The following GCM1 variants were observed in gnomAD, a reference collection of about 807,000 sequenced individuals.
GCM1 encodes the protein GCM transcription factor 1, also known as chorion-specific transcription factor GCMa.
Under a neutral mutation model 25.7 loss-of-function variants are expected in GCM1, and 2 were observed. That is an observed-to-expected ratio of 0.08 (90% CI 0.03 to 0.24). The LOEUF is 0.24. GCM1 is among the 10% of genes least tolerant of loss of function. The probability of loss-of-function intolerance (pLI) is 1.00; values close to 1 mark genes in which losing one functional copy is unlikely to be tolerated. For missense variants in GCM1, 395 were observed against 538.7 expected (o/e 0.73, Z 2.64); for synonymous variants, 183 against 195.7 (o/e 0.94, Z 0.54).
chr6:53,133,663 T>TAC (rs1399894059), intron 3 of GCM1, among the ~76,000 whole-genome samples: 1 of 152,124 alleles, frequency 6.6e-6, no homozygotes, highest in African/African-American at 2.4e-5. Flanking sequence ...GACTAATTTT[T>TAC]AAATTTTTTT....
intron 3 of GCM1, among the ~76,000 whole-genome samples, chr6:53,133,331 ATGTGTGTGTG>A (rs5876306): frequency 6.9e-6 from 1 of 145,118 alleles, no homozygotes; most frequent in African/African-American, 2.6e-5. Context: ...CACCCGGCAA[ATGTGTGTGTG>A]TGTGTGTGTG....
chr6:53,128,551 G>C lies in GCM1; in HGVS notation c.966C>G (p.Ser322Arg), dbSNP rs781353031. The part of the protein sequence containing the change: ...CYSNYPFPLT[S>R]WPCSFSPSQN... ...GGGAAGGAGAGAAGCTGCAAGGCCA[G>C]CTGGTCAGAGGAAAAGGATAATTGG... is the stretch of plus-strand genomic sequence containing the variant. The change falls in exon 6 of 6, where the codon AGC becomes AGG. Residue 322 changes from serine (S) to arginine (R), a missense_variant. This residue lies in a region of GCM1 where 291 missense variants were observed against 314.6 expected (regional missense o/e 0.92). Transcript: ENST00000259803. 7 of 1,614,102 alleles carry C rather than the reference G, an allele frequency of 4.3e-6. No homozygotes were observed. Among genetic ancestry groups the C allele is most frequent in the Non-Finnish European group, 5.9e-6 (7 of 1,179,964 alleles).
At chr6:53,143,148 C>T (rs1733766619) in intron 2 of GCM1, among the ~76,000 whole-genome samples, 2 of 152,218 alleles carry the variant, frequency 1.3e-5, no homozygotes, top group South Asian at 4.1e-4. Context: ...AATCATTTCC[C>T]CGACATATTT....
In GCM1 at chr6:53,128,224, G is replaced by C; in HGVS notation, c.1293C>G (p.Asn431Lys). ...LDHCNNDMLL[N>K]LCPLR ...ATTTGGGTCATCTCAAAGGACACAG[G>C]TTCAGAAGCATATCATTGTTGCAGT... The change falls in exon 6 of 6, where the codon AAC becomes AAG. Residue 431 changes from asparagine (N) to lysine (K), a missense_variant. Coordinates refer to ENST00000259803, the MANE Select transcript of GCM1 (RefSeq NM_003643.4). 6.2e-7 allele frequency: 1 copy of C among 1,607,986 alleles called. No homozygotes were observed. The highest frequency in any genetic ancestry group is 8.5e-7 in the Non-Finnish European group (1 of 1,179,784).
At chr6:53,138,279 A>C (rs934756102) in intron 2 of GCM1, among the ~76,000 whole-genome samples, 2 of 46,338 alleles carry the variant, frequency 4.3e-5, no homozygotes, top group Non-Finnish European at 1.2e-4. Context: ...GCTTTGTCTC[A>C]AAAAAAAAAA....
intron 1 of GCM1, 22 bp from the exon 2 acceptor site, chr6:53,145,790 G>T: frequency 1.8e-6 from 1 of 551,876 alleles, no homozygotes; most frequent in Non-Finnish European, 3.2e-6. Flanking sequence ...AGTTATATTA[G>T]TATTGGCCAT....
At chr6:53,137,238 T>C (rs933673783) in intron 2 of GCM1, among the ~76,000 whole-genome samples, 9 of 152,170 alleles carry the variant, frequency 5.9e-5, no homozygotes, top group Admixed American at 5.9e-4. Context: ...GACCATTTGC[T>C]TTTTCCAGAC....
intron 4 of GCM1, 45 bp downstream of exon 4, chr6:53,131,962 C>A (rs139652828): frequency 9.4e-7 from 1 of 1,068,280 alleles, no homozygotes; most frequent in South Asian, 1.2e-5. Context: ...TCTGGTGAAA[C>A]TCCTCAGTAA....
At chr6:53,134,374 C>G (rs142160057) in intron 2 of GCM1, 50 bp from the exon 3 acceptor site, 2 of 1,557,200 alleles carry the variant, frequency 1.3e-6, no homozygotes, top group African/African-American at 2.7e-5. Flanking sequence ...GAAAACACAG[C>G]TGTCACCCAC....
intron 2 of GCM1, among the ~76,000 whole-genome samples, chr6:53,140,479 G>A (rs1241325869): frequency 7.0e-6 from 1 of 143,776 alleles, no homozygotes; most frequent in East Asian, 2.1e-4. Flanking sequence ...CAGAACTGTG[G>A]CCCCTTTGCA....
intron 2 of GCM1, among the ~76,000 whole-genome samples, chr6:53,141,011 T>C (rs1032864980): frequency 6.6e-6 from 1 of 152,064 alleles, no homozygotes; most frequent in Admixed American, 6.6e-5. Context: ...TTGATCTAAT[T>C]TTTTTTTCCT....
At chr6:53,147,425 GTTTTT>G (rs70980807) in intron 1 of GCM1, among the ~76,000 whole-genome samples, 5 of 93,572 alleles carry the variant, frequency 5.3e-5, no homozygotes, top group Non-Finnish European at 6.3e-5. Flanking sequence ...AGTTTTTATT[GTTTTT>G]TTTTTTTTTT....
At chr6:53,134,020 G>A (rs1288077098) in intron 3 of GCM1, 52 bp downstream of exon 3, 3 of 1,551,846 alleles carry the variant, frequency 1.9e-6, no homozygotes, top group Non-Finnish European at 2.6e-6. Flanking sequence ...CATCTGGCAG[G>A]GGCATCTGAG....
chr6:53,137,432 C>T (rs1763816438), intron 2 of GCM1, among the ~76,000 whole-genome samples: 1 of 152,094 alleles, frequency 6.6e-6, no homozygotes. Flanking sequence ...CACAGAAATG[C>T]CATAGAAAGC....
chr6:53,144,876 C>T (rs970713742), intron 2 of GCM1, among the ~76,000 whole-genome samples: 5 of 133,380 alleles, frequency 3.7e-5, no homozygotes, highest in African/African-American at 1.5e-4. Flanking sequence ...GATAGCACTA[C>T]TGCACTCCAA....
rs150954444 is a variant in GCM1 at position 53,132,166 on chromosome 6, G to A, written c.329-47C>T. The A allele has an allele frequency of 8.9e-4, 1,035 of 1,159,300 alleles. 5 individuals are homozygous for A. In the African/African-American group the frequency reaches 0.014, roughly 16 times the overall value. 71.8% of individuals were successfully genotyped at this position (1,159,300 alleles called of 1,614,324 possible). ...TGACCACACCTGGCTGAACCATGTC[G>A]GTTGTTGACTCCTGTGCAGTCTTGA... On this transcript the variant is annotated intron_variant, in intron 3 of 5. Transcript: ENST00000259803.
intron 2 of GCM1, among the ~76,000 whole-genome samples, chr6:53,141,522 C>T (rs1763872678): frequency 6.6e-6 from 1 of 151,830 alleles, no homozygotes; most frequent in African/African-American, 2.4e-5. Flanking sequence ...CCTGTCTCTA[C>T]TAAAAATACA....
intron 2 of GCM1, among the ~76,000 whole-genome samples, chr6:53,140,543 A>AAAAG (rs1375313441): frequency 1.3e-5 from 2 of 151,816 alleles, no homozygotes; most frequent in African/African-American, 4.8e-5. Flanking sequence ...AAAAAAAAAA[A>AAAAG]AAAAGTACTT....
intron 2 of GCM1, among the ~76,000 whole-genome samples, chr6:53,141,597 G>A (rs1293194946): frequency 6.6e-6 from 1 of 152,124 alleles, no homozygotes; most frequent in Non-Finnish European, 1.5e-5. Context: ...TGAGGCAGGA[G>A]AATGGTGTGA....
Sources: gnomAD v4.1 joint callset for allele counts (sites outside exome capture counted in the v4.1 genomes callset) on GRCh38, gnomAD v4.1.1 for gene constraint, gnomAD v4.1.1 regional missense constraint, MANE v1.5 for transcripts, NCBI Gene and HGNC (gene_info 2026-07-23, HGNC 2026-07-21) for gene names.